The following ROBO2 variants were observed in gnomAD, a reference collection of about 807,000 sequenced individuals.
The protein encoded by ROBO2 is roundabout homolog 2.
ROBO2 carries 53 observed loss-of-function variants against 160.8 expected under a neutral mutation model. That is an observed-to-expected ratio of 0.33 (90% CI 0.26 to 0.41). ROBO2 has a LOEUF of 0.41. Among genes scored for constraint, ROBO2 ranks in the 10% least tolerant of loss-of-function variants. ROBO2 has a pLI of 1.00. For synonymous variants in ROBO2, 664 were observed against 611.7 expected, an observed-to-expected ratio of 1.09 and a Z score of -1.26; for missense variants, 1,577 against 1,722.4, an observed-to-expected ratio of 0.92 and a Z score of 1.49.
chr3:77,365,303 G>A (rs542393008), intron 2 of ROBO2, among the ~76,000 whole-genome samples: 3 of 152,072 alleles, frequency 2.0e-5, no homozygotes, highest in Non-Finnish European at 4.4e-5. Context: ...AGGGTTTATG[G>A]CAGCTGAATT....
intron 5 of ROBO2, among the ~76,000 whole-genome samples, chr3:77,500,435 T>G (rs1311136192): frequency 6.6e-6 from 1 of 152,188 alleles, no homozygotes. Flanking sequence ...ATATGATTAT[T>G]AATTATTTAA....
intron 2 of ROBO2, among the ~76,000 whole-genome samples, chr3:76,398,551 C>G (rs2077615066): frequency 6.6e-6 from 1 of 151,800 alleles, no homozygotes; most frequent in South Asian, 2.1e-4. Context: ...AATTTTACCA[C>G]CTAACCTTAC....
chr3:76,698,724 C>A (rs1258413337), intron 2 of ROBO2, among the ~76,000 whole-genome samples: 1 of 152,088 alleles, frequency 6.6e-6, no homozygotes, highest in Non-Finnish European at 1.5e-5. Flanking sequence ...GGAGACCACT[C>A]CAAATTATTT....
At chr3:76,935,435 A>G (rs2077635309) in intron 2 of ROBO2, among the ~76,000 whole-genome samples, 1 of 152,182 alleles carries the variant, frequency 6.6e-6, no homozygotes, top group South Asian at 2.1e-4. Flanking sequence ...TCCTGGATCC[A>G]TCCAGTATCT....
chr3:76,590,229 T>C (rs1335960243), intron 2 of ROBO2, among the ~76,000 whole-genome samples: 2 of 152,134 alleles, frequency 1.3e-5, no homozygotes. Flanking sequence ...GTCAGACAAA[T>C]GTATGCTAAT....
At chr3:76,665,599 A>G (rs28445733) in intron 2 of ROBO2, among the ~76,000 whole-genome samples, 67,132 of 149,932 alleles carry the variant, frequency 0.45, 15,598 homozygotes, top group African/African-American at 0.57. Flanking sequence ...TTCAGCATAC[A>G]AGATTTTCAA....
chr3:76,677,450 G>A (rs557299113), intron 2 of ROBO2, among the ~76,000 whole-genome samples: 6 of 152,092 alleles, frequency 3.9e-5, no homozygotes, highest in South Asian at 4.2e-4. Flanking sequence ...TTCTCTAAAC[G>A]TCCCACATGA....
At chr3:75,977,248 G>A (rs896385129) in intron 2 of ROBO2, among the ~76,000 whole-genome samples, 1 of 151,382 alleles carries the variant, frequency 6.6e-6, no homozygotes, top group Non-Finnish European at 1.5e-5. Context: ...GTTCTGATAC[G>A]ACTAGAGCAC....
At chr3:76,596,184 C>A (rs2086722274) in intron 2 of ROBO2, among the ~76,000 whole-genome samples, 1 of 152,100 alleles carries the variant, frequency 6.6e-6, no homozygotes, top group Admixed American at 6.6e-5. Context: ...AAACTTCTTG[C>A]ATTGATTTTG....
intron 2 of ROBO2, among the ~76,000 whole-genome samples, chr3:77,271,684 ATTCAAG>A (rs2059500984): frequency 3.3e-5 from 5 of 152,358 alleles, no homozygotes; most frequent in African/African-American, 1.2e-4. Context: ...AAGTGAGAAA[ATTCAAG>A]TACTACTAAG....
chr3:75,950,428 T>A (rs1189231295), intron 2 of ROBO2, among the ~76,000 whole-genome samples: 1 of 152,116 alleles, frequency 6.6e-6, no homozygotes, highest in African/African-American at 2.4e-5. Context: ...TATGAAGATA[T>A]AAATAGAATA....
intron 2 of ROBO2, among the ~76,000 whole-genome samples, chr3:76,223,508 T>G (rs1236814309): frequency 1.3e-5 from 2 of 152,068 alleles, no homozygotes; most frequent in Non-Finnish European, 2.9e-5. Flanking sequence ...CATCAGAATT[T>G]AGGTGCTCAA....
chr3:76,340,959 A>C (rs1384479774), intron 2 of ROBO2, among the ~76,000 whole-genome samples: 1 of 152,098 alleles, frequency 6.6e-6, no homozygotes. Context: ...GCAAAAATGT[A>C]ATGAATTTAT....
chr3:77,259,073 A>C (rs1291656569), intron 2 of ROBO2, among the ~76,000 whole-genome samples: 1 of 152,036 alleles, frequency 6.6e-6, no homozygotes, highest in African/African-American at 2.4e-5. Flanking sequence ...TTCAGCTTTC[A>C]TTTAAGATCT....
At chr3:77,266,365 T>A (rs2059124146) in intron 2 of ROBO2, among the ~76,000 whole-genome samples, 1 of 152,068 alleles carries the variant, frequency 6.6e-6, no homozygotes, top group Non-Finnish European at 1.5e-5. Flanking sequence ...ACCTGTTATC[T>A]CTTCCCTTTC....
intron 2 of ROBO2, among the ~76,000 whole-genome samples, chr3:76,076,473 C>T (rs2068649377): frequency 6.6e-6 from 1 of 152,142 alleles, no homozygotes; most frequent in South Asian, 2.1e-4. Flanking sequence ...ACATTTTATA[C>T]TATAGACATT....
chr3:77,297,799 A>G (rs1178926333), intron 2 of ROBO2, among the ~76,000 whole-genome samples: 1 of 152,198 alleles, frequency 6.6e-6, no homozygotes, highest in Non-Finnish European at 1.5e-5. Flanking sequence ...CAAAGGAAGT[A>G]AAGGAAGTTT....
chr3:77,282,109 A>C (rs1263331869), intron 2 of ROBO2, among the ~76,000 whole-genome samples: 1 of 151,976 alleles, frequency 6.6e-6, no homozygotes, highest in Non-Finnish European at 1.5e-5. Flanking sequence ...CATGACAAGG[A>C]AAAAATGTCT....
intron 2 of ROBO2, among the ~76,000 whole-genome samples, chr3:76,861,333 T>C (rs559057912): frequency 6.6e-6 from 1 of 152,338 alleles, no homozygotes; most frequent in Admixed American, 6.5e-5. Flanking sequence ...ATTATCTTAC[T>C]GGGTTGTTTT....
Sources: allele counts gnomAD v4.1 joint callset (sites outside exome capture counted in the v4.1 genomes callset), GRCh38; gene constraint gnomAD v4.1.1; transcripts MANE v1.5; gene names NCBI Gene and HGNC (gene_info 2026-07-23, HGNC 2026-07-21).